FAM13A: variants seen among roughly 807,000 people sequenced by gnomAD.
FAM13A encodes family with sequence similarity 13 member A.
A neutral mutation model predicts 129.6 loss-of-function variants in FAM13A; 76 were observed. The ratio of observed to expected loss-of-function variants is 0.59; its 90% CI spans 0.49 to 0.71. FAM13A has a LOEUF of 0.71. Ranked by LOEUF, FAM13A falls within the 30% of genes least tolerant of loss-of-function variation. The pLI is 0.00. For missense variants in FAM13A, 1,108 were observed against 1,249.3 expected (o/e 0.89, Z 1.70); for synonymous variants, 443 against 449.9 (o/e 0.98, Z 0.20).
chr4:89,027,695 C>T (rs913359955), intron 2 of FAM13A, among the ~76,000 whole-genome samples: 15 of 151,986 alleles, frequency 9.9e-5, no homozygotes, highest in Non-Finnish European at 1.3e-4. Context: ...ATTATTCTTG[C>T]GCTTTGGGGC....
chr4:88,776,070 A>C (rs528915361), intron 11 of FAM13A, among the ~76,000 whole-genome samples: 24 of 152,360 alleles, frequency 1.6e-4, no homozygotes, highest in African/African-American at 5.5e-4. Flanking sequence ...CGTAGATAAG[A>C]GACCTATAGA....
At chr4:88,916,595 A>T (rs1750159394) in intron 5 of FAM13A, among the ~76,000 whole-genome samples, 2 of 152,210 alleles carry the variant, frequency 1.3e-5, no homozygotes, top group Non-Finnish European at 1.5e-5. Flanking sequence ...AGGTTTAAAT[A>T]ATTATCCACT....
chr4:88,836,730 C>T (rs530539043), intron 7 of FAM13A, among the ~76,000 whole-genome samples: 26 of 152,192 alleles, frequency 1.7e-4, no homozygotes, highest in Non-Finnish European at 3.7e-4. Flanking sequence ...GAGGCTGAGA[C>T]GGGTGGATCA....
At chr4:88,955,981 G>GA (rs1044240022) in intron 4 of FAM13A, among the ~76,000 whole-genome samples, 13 of 150,916 alleles carry the variant, frequency 8.6e-5, no homozygotes, top group South Asian at 2.1e-4. Flanking sequence ...AATCCCCAAG[G>GA]AAAAAAAAAT....
In FAM13A at chr4:88,728,656, A is replaced by G. The variant is rs371740753; in HGVS notation, c.2949T>C (p.Asn983=). 9 of 1,614,104 alleles carry G rather than the reference A, an allele frequency of 5.6e-6. No homozygotes were observed. The African/African-American group carries it at 1.2e-4, about 22-fold the overall frequency. ...TAGGAGTGCGGTCTTCCTTCTGGAC[A>G]TTTCTAATGCAAATAAAGGAAAAAG... ...EDNFFRQNGR[N]VQKEDRTPMA... The change falls in exon 24 of 24, where the codon AAT becomes AAC. Residue 983 remains asparagine, a synonymous_variant. Coordinates refer to ENST00000264344, the MANE Select transcript of FAM13A (RefSeq NM_014883.4).
intron 6 of FAM13A, chr4:88,905,792 A>G (rs765095655): frequency 1.3e-5 from 2 of 152,246 alleles, no homozygotes; most frequent in Non-Finnish European, 2.9e-5. Context: ...AATTATCACT[A>G]TCTCTTCAAT....
chr4:88,784,796 T>C (rs529270036), intron 10 of FAM13A, among the ~76,000 whole-genome samples: 1 of 152,288 alleles, frequency 6.6e-6, no homozygotes, highest in Non-Finnish European at 1.5e-5. Context: ...AGAGACACTA[T>C]CATAACAGAC....
At chr4:88,999,983 C>T (rs1211833279) in intron 3 of FAM13A, among the ~76,000 whole-genome samples, 4 of 151,998 alleles carry the variant, frequency 2.6e-5, no homozygotes, top group African/African-American at 9.7e-5. Flanking sequence ...TTTCTTCTTC[C>T]AACATAAAAG....
At chr4:88,897,290 T>C (rs764078637) in intron 6 of FAM13A, among the ~76,000 whole-genome samples, 1 of 152,236 alleles carries the variant, frequency 6.6e-6, no homozygotes, top group African/African-American at 2.4e-5. Context: ...GGTCATGGAA[T>C]AGCTACACGA....
intron 5 of FAM13A, among the ~76,000 whole-genome samples, chr4:88,928,165 T>C (rs1217636213): frequency 1.3e-5 from 2 of 152,178 alleles, no homozygotes; most frequent in East Asian, 3.8e-4. Flanking sequence ...TGGTATTAAT[T>C]TCTAGTTTTT....
intron 13 of FAM13A, among the ~76,000 whole-genome samples, chr4:88,763,487 C>T (rs1194550884): frequency 6.6e-6 from 1 of 152,182 alleles, no homozygotes; most frequent in Non-Finnish European, 1.5e-5. Flanking sequence ...GCTCATCTCT[C>T]CCGGGCCCTC....
chr4:88,922,224 C>A (rs990880359), intron 5 of FAM13A, among the ~76,000 whole-genome samples: 54 of 152,200 alleles, frequency 3.5e-4, no homozygotes, highest in African/African-American at 1.2e-3. Flanking sequence ...ACAGAACTCT[C>A]CACCCCACAT....
chr4:88,879,695 A>G (rs1743204314), intron 6 of FAM13A, among the ~76,000 whole-genome samples: 1 of 152,142 alleles, frequency 6.6e-6, no homozygotes, highest in African/African-American at 2.4e-5. Flanking sequence ...AGAGCATTTC[A>G]TTGTTACTGC....
chr4:88,882,948 T>C (rs1249102357), intron 6 of FAM13A, among the ~76,000 whole-genome samples: 2 of 152,052 alleles, frequency 1.3e-5, no homozygotes, highest in Non-Finnish European at 2.9e-5. Flanking sequence ...AAGGACTTGT[T>C]CAACAGGAAA....
At chr4:88,884,438 C>G (rs1055526483) in intron 6 of FAM13A, among the ~76,000 whole-genome samples, 1 of 152,118 alleles carries the variant, frequency 6.6e-6, no homozygotes, top group African/African-American at 2.4e-5. Flanking sequence ...AAGTATTTGA[C>G]AAAATCCATC....
intron 7 of FAM13A, among the ~76,000 whole-genome samples, chr4:88,839,945 GT>G (rs1735534088): frequency 6.6e-6 from 1 of 152,194 alleles, no homozygotes. Context: ...AGGCTTATGA[GT>G]AAAGATAGCG....
intron 5 of FAM13A, among the ~76,000 whole-genome samples, chr4:88,909,692 G>A (rs1028749878): frequency 2.0e-5 from 3 of 151,984 alleles, no homozygotes; most frequent in African/African-American, 4.8e-5. Flanking sequence ...TCTCCATGTT[G>A]GCCAGGATGG....
intron 7 of FAM13A, among the ~76,000 whole-genome samples, chr4:88,805,841 T>A (rs1292573976): frequency 1.3e-5 from 2 of 151,972 alleles, no homozygotes; most frequent in African/African-American, 4.8e-5. Context: ...GCTAGTTTTT[T>A]ATTTTTTGTG....
intron 1 of FAM13A, 42 bp from the exon 2 acceptor site, chr4:89,029,691 C>A: frequency 6.5e-7 from 1 of 1,526,900 alleles, no homozygotes; most frequent in Non-Finnish European, 8.9e-7. Flanking sequence ...GTCATATTTA[C>A]CACAGGAGGT....
Sources: gnomAD v4.1 joint callset for allele counts (sites outside exome capture counted in the v4.1 genomes callset) on GRCh38, gnomAD v4.1.1 for gene constraint, MANE v1.5 for transcripts, NCBI Gene and HGNC (gene_info 2026-07-23, HGNC 2026-07-21) for gene names.